The following RSKR variants were observed in gnomAD, a reference collection of about 807,000 sequenced individuals.
The protein encoded by RSKR is ribosomal protein S6 kinase related.
Under a neutral mutation model 56.8 loss-of-function variants are expected in RSKR, and 44 were observed. The ratio of observed to expected loss-of-function variants is 0.77; its 90% CI spans 0.61 to 1.00. The LOEUF is 1.00. Ranked by LOEUF, RSKR falls within the 50% of genes least tolerant of loss-of-function variation. The pLI is 0.00. For missense variants in RSKR, 510 were observed against 506.9 expected, an observed-to-expected ratio of 1.01 and a Z score of -0.06; for synonymous variants, 181 against 188.0, an observed-to-expected ratio of 0.96 and a Z score of 0.30.
chr17:28,611,093 A>C, intron 11 of RSKR, 50 bp downstream of exon 11: 9 of 1,446,616 alleles, frequency 6.2e-6, no homozygotes, highest in Non-Finnish European at 7.5e-6. Flanking sequence ...TGAAGGCAGG[A>C]GAGCATTAAT....
intron 9 of RSKR, 34 bp downstream of exon 9, chr17:28,611,533 C>T: frequency 6.4e-7 from 1 of 1,564,034 alleles, no homozygotes; most frequent in South Asian, 1.2e-5. Context: ...ATCCTCCTGC[C>T]CAATGCTTAC....
At position 28,611,373 on chromosome 17, in the gene RSKR, AACT is replaced by A. The variant is rs2070810849; in HGVS notation, c.900+17_900+19del. ...CAAGGCAAAGCTCTTCTCTGCCCAA[AACT>A]ACTACTATTCTCTCACCTTTCCAGT... On this transcript the variant is annotated intron_variant, in intron 10 of 11. Transcript: ENST00000301037. The A allele has an allele frequency of 6.4e-7, 1 of 1,553,718 alleles. No individual in the cohort carries two copies. Among genetic ancestry groups the A allele is most frequent in the Non-Finnish European group, 8.7e-7 (1 of 1,155,548 alleles).
chr17:28,612,945 A>T, intron 4 of RSKR, 133 bp downstream of exon 4: 1 of 978,410 alleles, frequency 1.0e-6, no homozygotes, highest in Non-Finnish European at 1.6e-6. Context: ...TTTTCCCAGG[A>T]TCTACTTTAG....
rs745686953 is a variant in RSKR, at chr17:28,613,537, AC to A, written c.226del (p.Val76Ter). The A allele has an allele frequency of 6.2e-7, 1 of 1,614,172 alleles. No individual in the cohort carries two copies. Among genetic ancestry groups the A allele is most frequent in the South Asian group, 1.1e-5 (1 of 91,084 alleles). ...TGGCCACTCTGGCAGAGGCTTCTCT[AC>A]CAGTACTGGGGCTGGCTTTAGGGAT... ...QESLKPAPVL[V>X]EKPLPEWPVP... On this transcript the variant is annotated frameshift_variant, in exon 2 of 12. Transcript: ENST00000301037. LOFTEE classifies it high-confidence loss of function.
chr17:28,610,779 G>C, intron 11 of RSKR, 80 bp from the exon 12 acceptor site: 2 of 1,352,986 alleles, frequency 1.5e-6, no homozygotes, highest in Non-Finnish European at 2.0e-6. Context: ...GAAGAAAGAA[G>C]TTCATGGAGC....
At position 28,613,686 on chromosome 17, in the gene RSKR, C is replaced by G; in HGVS notation, c.78G>C (p.Gln26His). 1.2e-6 allele frequency: 2 copies of G among 1,613,914 alleles called. No individual in the cohort carries two copies. The highest frequency in any genetic ancestry group is 1.1e-5 in the South Asian group (1 of 91,040). The change falls in exon 2 of 12, where the codon CAG becomes CAC. Residue 26 changes from glutamine (Q) to histidine (H), a missense_variant and splice_region_variant. By Grantham distance (24) the Gln-to-His change is conservative. Transcript: ENST00000301037. ...CCCAGGGACCCCGGATGTTGCCACC[C>G]TGCTGAGAACCAAGGGAGCCACTCT... ...EHTRVAVPHK[Q>H]GGNIRGPWAR...
chr17:28,612,023 G>GA, intron 7 of RSKR, 21 bp downstream of exon 7: 1 of 1,614,018 alleles, frequency 6.2e-7, no homozygotes, highest in African/African-American at 1.3e-5. Context: ...CAGACAAAGG[G>GA]AAAAAAGCAC....
Position 28,610,497 on chromosome 17 carries a change from A to C in RSKR, c.1214T>G (p.Leu405Arg). 6.5e-7 allele frequency: 1 copy of C among 1,536,074 alleles called. No homozygotes were observed. The highest frequency in any genetic ancestry group is 1.4e-5 in the African/African-American group (1 of 73,146). Residue 405 changes from leucine to arginine, a missense_variant, in exon 12 of 12, where the codon CTC becomes CGC. Coordinates refer to ENST00000301037, the MANE Select transcript of RSKR (RefSeq NM_001174103.2). ...DFDCDLESFL[L>R]YPIPA ...AGAGGCTCAAGCAGGGATAGGGTAG[A>C]GCAAGAAGGACTCCAGATCACAGTC...
At chr17:28,612,877 G>A (rs1328561559) in intron 4 of RSKR, 190 bp from the exon 5 acceptor site, 2 of 738,634 alleles carry the variant, frequency 2.7e-6, no homozygotes, top group Non-Finnish European at 4.6e-6. Context: ...AATACACTGG[G>A]ACATGCTTCA....
At chr17:28,614,033 A>C in intron 1 of RSKR, 54 bp downstream of exon 1, 1 of 1,593,710 alleles carries the variant, frequency 6.3e-7, no homozygotes, top group Non-Finnish European at 8.6e-7. Context: ...CCAGGACTCA[A>C]GCCCATGTCT....
rs561776166 is a variant in RSKR, at chr17:28,612,342, A to G, written c.572T>C (p.Leu191Pro). ...GCCAACAGCCGACCAAAGGGAGTAC[A>G]GATCTGTGCTGCAGTAGCTACACAC... is the stretch of plus-strand genomic sequence containing the variant. Reference protein sequence around the residue: ...FIMCSYCSTDLYSLWSAVGCF... With the variant: ...FIMCSYCSTDPYSLWSAVGCF... The change falls in exon 6 of 12, where the codon CTG (leucine) becomes CCG (proline). Residue 191 changes from leucine (L) to proline (P), a missense_variant. Physicochemically the swap from Leu to Pro is moderately conservative, Grantham distance 98. Transcript: ENST00000301037. 6.2e-7 allele frequency: 1 copy of G among 1,614,228 alleles called. No individual in the cohort carries two copies. The highest frequency in any genetic ancestry group is 2.2e-5 in the East Asian group (1 of 44,884).
Position 28,612,609 on chromosome 17 carries a change from G to C in RSKR, c.547+9C>G, listed in dbSNP as rs753326413. On this transcript the variant is annotated intron_variant, in intron 5 of 11. Coordinates refer to ENST00000301037, the MANE Select transcript of RSKR (RefSeq NM_001174103.2). ...CCCTGGGGGATGAGGAGAGAGTCCA[G>C]TCACTCACTAATGAAAAGGTGCCGT... The C allele has an allele frequency of 5.0e-6, 8 of 1,613,212 alleles. No individual in the cohort carries two copies. Among genetic ancestry groups the C allele is most frequent in the Admixed American group, 1.7e-5 (1 of 60,012 alleles).
chr17:28,612,593 A>T (rs1262404446), intron 5 of RSKR, 25 bp downstream of exon 5: 5 of 1,611,040 alleles, frequency 3.1e-6, no homozygotes, highest in Non-Finnish European at 4.2e-6. Context: ...ACCCTGGGGG[A>T]TGAGGAGAGA....
chr17:28,613,003 A>G, intron 4 of RSKR, 75 bp downstream of exon 4: 1 of 1,477,054 alleles, frequency 6.8e-7, no homozygotes, highest in South Asian at 1.1e-5. Context: ...CAGGAAAAGA[A>G]GGTGGGCAAG....
rs779885419 is a variant in RSKR at position 28,609,363 on chromosome 17, C to T, written c.*1115G>A. The T allele has an allele frequency of 6.6e-6, 1 of 152,012 alleles. No individual in the cohort carries two copies. Among genetic ancestry groups the T allele is most frequent in the Non-Finnish European group, 1.5e-5 (1 of 68,000 alleles). 9.4% of individuals were successfully genotyped at this position (152,012 alleles called of 1,614,324 possible). On this transcript the variant is annotated 3_prime_UTR_variant, in exon 12 of 12. Coordinates refer to ENST00000301037, the MANE Select transcript of RSKR (RefSeq NM_001174103.2). Reference sequence around the variant, plus strand: ...AATCTCTTGGTTTGCCCATCAGAAACTGAATCATGGGCTCACTAGGAGAAA... The same window carrying T: ...AATCTCTTGGTTTGCCCATCAGAAATTGAATCATGGGCTCACTAGGAGAAA...
In RSKR at chr17:28,613,254, G is replaced by A. The variant is rs116639250; in HGVS notation, c.408+8C>T. On this transcript the variant is annotated splice_region_variant and intron_variant, in intron 3 of 11. Transcript: ENST00000301037. Reference sequence around the variant, plus strand: ...AAACAGAGACTAATGTGGTATCTACGCCCCTACCTTCACTGCAAATACAGC... The same window carrying A: ...AAACAGAGACTAATGTGGTATCTACACCCCTACCTTCACTGCAAATACAGC... 2.6e-4 allele frequency: 425 copies of A among 1,613,980 alleles called. No individual in the cohort carries two copies. In the African/African-American group the frequency reaches 5.0e-3, roughly 19 times the overall value.
In RSKR at chr17:28,612,476, C is replaced by T. The variant is rs1361092302; in HGVS notation, c.548-110G>A. On this transcript the variant is annotated intron_variant, in intron 5 of 11. Transcript: ENST00000301037. ...AGGCCTCCTGCCCAAACTGATACCA[C>T]CTGCTGTTCCCCTCCCTTTGGGACA... 5.1e-6 allele frequency: 7 copies of T among 1,366,940 alleles called. No individual in the cohort carries two copies. In the East Asian group the frequency reaches 1.7e-4, roughly 33 times the overall value. 84.7% of individuals were successfully genotyped at this position (1,366,940 alleles called of 1,614,324 possible).
intron 7 of RSKR, 89 bp downstream of exon 7, chr17:28,611,955 C>T: frequency 6.2e-7 from 1 of 1,613,688 alleles, no homozygotes; most frequent in Non-Finnish European, 8.5e-7. Flanking sequence ...CCAATGTCTA[C>T]AGTTCTCAGC....
chr17:28,612,574 G>A (rs774071693), intron 5 of RSKR, 44 bp downstream of exon 5: 1 of 1,596,220 alleles, frequency 6.3e-7, no homozygotes, highest in Admixed American at 1.7e-5. Flanking sequence ...TGGGGAACAT[G>A]GTACAAAGAC....
Sources: allele counts gnomAD v4.1 joint callset, GRCh38; gene constraint gnomAD v4.1.1; transcripts MANE v1.5; gene names NCBI Gene and HGNC (gene_info 2026-07-23, HGNC 2026-07-21).